CEP192: variants seen among roughly 807,000 people sequenced by gnomAD.
CEP192 encodes centrosomal protein 192.
CEP192 carries 151 observed loss-of-function variants against 271.8 expected under a neutral mutation model. That is an observed-to-expected ratio of 0.56 (90% CI 0.49 to 0.64). The LOEUF (loss-of-function observed/expected upper bound fraction) is 0.64. Among genes scored for constraint, CEP192 ranks in the 30% least tolerant of loss-of-function variants. The pLI, the probability that CEP192 is intolerant of heterozygous loss-of-function variation, is 0.00. For missense variants in CEP192, 2,910 were observed against 3,020.5 expected, an observed-to-expected ratio of 0.96 and a Z score of 0.86; for synonymous variants, 995 against 1,076.5, an observed-to-expected ratio of 0.92 and a Z score of 1.48.
chr18:13,079,144 A>G (rs2038452562), intron 30 of CEP192, among the ~76,000 whole-genome samples: 2 of 152,236 alleles, frequency 1.3e-5, no homozygotes. Flanking sequence ...TCCTTTGGGT[A>G]TATACCCAGT....
intron 1 of CEP192, among the ~76,000 whole-genome samples, chr18:12,995,494 A>G (rs1433710797): frequency 2.0e-5 from 3 of 152,230 alleles, no homozygotes; most frequent in African/African-American, 7.2e-5. Flanking sequence ...TTTGCTGTAT[A>G]TTGACATAAT....
At chr18:13,023,224 A>G (rs935302624) in intron 9 of CEP192, among the ~76,000 whole-genome samples, 1 of 152,134 alleles carries the variant, frequency 6.6e-6, no homozygotes, top group Non-Finnish European at 1.5e-5. Context: ...CTCCCAATCT[A>G]TATACACTTT....
chr18:13,048,835 G>A, intron 15 of CEP192, 24 bp from the exon 16 acceptor site: 1 of 1,467,306 alleles, frequency 6.8e-7, no homozygotes, highest in Non-Finnish European at 9.3e-7. Flanking sequence ...AAATTTATCT[G>A]ATGTTTAATT....
At chr18:12,998,610 C>CT (rs2145773627) in intron 1 of CEP192, among the ~76,000 whole-genome samples, 1 of 152,326 alleles carries the variant, frequency 6.6e-6, no homozygotes, top group East Asian at 1.9e-4. Flanking sequence ...AATAAACTCT[C>CT]TCATCCCATA....
chr18:12,994,855 G>A (rs1370159264), intron 1 of CEP192, among the ~76,000 whole-genome samples: 1 of 152,122 alleles, frequency 6.6e-6, no homozygotes. Flanking sequence ...AAAGTCTGAG[G>A]TCAGAATCCT....
chr18:13,042,754 A>G (rs1359870724), intron 15 of CEP192, among the ~76,000 whole-genome samples: 1 of 152,080 alleles, frequency 6.6e-6, no homozygotes, highest in Non-Finnish European at 1.5e-5. Flanking sequence ...CTCACCTTAC[A>G]TTTGTTAGAT....
intron 11 of CEP192, among the ~76,000 whole-genome samples, chr18:13,035,339 G>C (rs2035860300): frequency 6.6e-6 from 1 of 152,164 alleles, no homozygotes; most frequent in African/African-American, 2.4e-5. Context: ...GGTTTGCTTG[G>C]ACTTACAGTT....
At chr18:13,029,550 TATA>T in intron 9 of CEP192, 110 bp from the exon 10 acceptor site, 1 of 673,200 alleles carries the variant, frequency 1.5e-6, no homozygotes, top group Non-Finnish European at 2.5e-6. Flanking sequence ...TCTTCTTTCA[TATA>T]ATAAACATTT....
intron 5 of CEP192, among the ~76,000 whole-genome samples, chr18:13,013,953 G>A (rs540097917): frequency 1.2e-3 from 178 of 152,350 alleles, no homozygotes; most frequent in Non-Finnish European, 2.3e-3. Context: ...CCTGCATCCA[G>A]TCTGCTGGCT....
chr18:13,114,000 A>T, intron 41 of CEP192, 130 bp from the exon 42 acceptor site: 1 of 1,057,676 alleles, frequency 9.5e-7, no homozygotes, highest in South Asian at 1.6e-5. Context: ...CTTGCAATTT[A>T]GGGGATTTAA....
In CEP192 at chr18:13,008,447, A is replaced by G. The variant is rs780199459; in HGVS notation, c.291-9A>G. On this transcript the variant is annotated splice_polypyrimidine_tract_variant and intron_variant, in intron 3 of 44. Transcript: ENST00000506447. ...CATTTTATCATTCTTCTGTTTCCTAATAAAAAAGTTCTATCTCTAGGAAAA... is the reference window on the plus strand; with the variant it reads ...CATTTTATCATTCTTCTGTTTCCTAGTAAAAAAGTTCTATCTCTAGGAAAA... 1.3e-6 allele frequency: 2 copies of G among 1,515,246 alleles called. No homozygotes were observed. Among genetic ancestry groups the G allele is most frequent in the South Asian group, 2.5e-5 (2 of 80,476 alleles). The allele number at this position is 1,515,246 out of a possible 1,614,324, so 93.9% of individuals were successfully genotyped here.
At position 13,072,993 on chromosome 18, in the gene CEP192, T is replaced by C. The variant is rs2038093739; in HGVS notation, c.5440-16T>C. On this transcript the variant is annotated splice_polypyrimidine_tract_variant and intron_variant, in intron 29 of 44. Transcript: ENST00000506447. ...TACTGCTTTGTTTTATGCATTTAAC[T>C]GTTTTTAAATTGTAGCTTCAGAACA... The C allele has an allele frequency of 6.3e-7, 1 of 1,598,796 alleles. No individual in the cohort carries two copies. Among genetic ancestry groups the C allele is most frequent in the African/African-American group, 1.3e-5 (1 of 74,166 alleles).
At chr18:12,993,059 G>A (rs1012683556) in intron 1 of CEP192, among the ~76,000 whole-genome samples, 2 of 152,196 alleles carry the variant, frequency 1.3e-5, no homozygotes, top group African/African-American at 4.8e-5. Context: ...AGACTCGTGT[G>A]ATAGTTCAGA....
chr18:13,029,647 A>AT lies in CEP192; in HGVS notation c.1051-10dup. 6.9e-7 allele frequency: 1 copy of AT among 1,448,950 alleles called. No homozygotes were observed. The highest frequency in any genetic ancestry group is 9.2e-7 in the Non-Finnish European group (1 of 1,089,650). 89.8% of individuals were successfully genotyped at this position (1,448,950 alleles called of 1,614,324 possible). The stretch of plus-strand genomic sequence containing the variant: ...TACTGTTGCTCTGTTAAAAAATCTG[A>AT]TTTTTTGTTTTAAAGGAATGTGCAA... On this transcript the variant is annotated splice_polypyrimidine_tract_variant and intron_variant, in intron 9 of 44. Coordinates refer to ENST00000506447, the MANE Select transcript of CEP192 (RefSeq NM_032142.4).
At chr18:13,030,839 G>A (rs2035579356) in intron 11 of CEP192, among the ~76,000 whole-genome samples, 1 of 152,162 alleles carries the variant, frequency 6.6e-6, no homozygotes, top group Admixed American at 6.5e-5. Context: ...AATAGCATTT[G>A]TATACTACCG....
intron 8 of CEP192, 105 bp from the exon 9 acceptor site, chr18:13,018,977 A>G (rs533521413): frequency 9.2e-7 from 1 of 1,089,200 alleles, no homozygotes; most frequent in Non-Finnish European, 1.3e-6. Context: ...TAGGAGTGCT[A>G]AGTATTAGGG....
At chr18:13,002,365 A>G (rs1318473243) in intron 3 of CEP192, among the ~76,000 whole-genome samples, 1 of 152,208 alleles carries the variant, frequency 6.6e-6, no homozygotes, top group East Asian at 1.9e-4. Context: ...GTTTTCAATT[A>G]CAATTAATAT....
chr18:13,117,216 C>T (rs1170303341), intron 43 of CEP192, among the ~76,000 whole-genome samples: 1 of 152,192 alleles, frequency 6.6e-6, no homozygotes, highest in Non-Finnish European at 1.5e-5. Context: ...CAGAGCAAGA[C>T]CCTGCCCCCA....
intron 39 of CEP192, among the ~76,000 whole-genome samples, chr18:13,104,599 C>G (rs1288185403): frequency 6.6e-6 from 1 of 152,142 alleles, no homozygotes; most frequent in African/African-American, 2.4e-5. Flanking sequence ...GCAACAGAGT[C>G]AGACCCTGTC....
Sources: gnomAD v4.1 joint callset for allele counts (sites outside exome capture counted in the v4.1 genomes callset) on GRCh38, gnomAD v4.1.1 for gene constraint, MANE v1.5 for transcripts, NCBI Gene and HGNC (gene_info 2026-07-23, HGNC 2026-07-21) for gene names.